CLIC4: variants seen among roughly 807,000 people sequenced by gnomAD.
CLIC4 encodes the protein CLIC family member 4, also known as chloride intracellular channel protein 4.
In CLIC4, 13 loss-of-function variants were observed where a neutral mutation model predicts 24.6. The observed-to-expected ratio is 0.53, with a 90% CI of 0.34 to 0.84. The LOEUF (loss-of-function observed/expected upper bound fraction) is 0.84. Ranked by LOEUF, CLIC4 falls within the 40% of genes least tolerant of loss-of-function variation. CLIC4 has a pLI of 0.01. For synonymous variants in CLIC4, 104 were observed against 111.3 expected (o/e 0.93, Z 0.41); for missense variants, 227 against 301.7 (o/e 0.75, Z 1.83).
chr1:24,813,377 T>C (rs1030928435), intron 2 of CLIC4, among the ~76,000 whole-genome samples: 3 of 151,636 alleles, frequency 2.0e-5, no homozygotes, highest in Admixed American at 2.0e-4. Context: ...TTATATACTT[T>C]AAATTTTAGA....
chr1:24,824,371 A>G (rs956829036), intron 3 of CLIC4, among the ~76,000 whole-genome samples: 3 of 152,140 alleles, frequency 2.0e-5, no homozygotes, highest in Non-Finnish European at 4.4e-5. Flanking sequence ...GGTCTCAAGC[A>G]ATTCTCCTGC....
chr1:24,808,353 A>T (rs908594725), intron 2 of CLIC4, among the ~76,000 whole-genome samples: 14 of 152,230 alleles, frequency 9.2e-5, no homozygotes, highest in African/African-American at 3.1e-4. Flanking sequence ...GTATTTGCAT[A>T]TTAACCTACA....
intron 4 of CLIC4, among the ~76,000 whole-genome samples, chr1:24,836,643 A>C (rs927193871): frequency 6.6e-6 from 1 of 152,140 alleles, no homozygotes; most frequent in Non-Finnish European, 1.5e-5. Flanking sequence ...TTCAAGACCA[A>C]CTTTGGCAAC....
rs772538646 is a variant in CLIC4 at position 24,814,154 on chromosome 1, C to T, written c.243C>T (p.Asn81=). The T allele has an allele frequency of 1.2e-6, 2 of 1,614,106 alleles. No individual in the cohort carries two copies. The highest frequency in any genetic ancestry group is 1.7e-6 in the Non-Finnish European group (2 of 1,179,988). Residue 81 remains asparagine, a synonymous_variant, in exon 3 of 6, where the codon AAC becomes AAT. Transcript: ENST00000374379. The part of the protein sequence containing the change: ...PGTHPPFITF[N]SEVKTDVNKI... The stretch of plus-strand genomic sequence containing the variant: ...CCCACCCACCATTTATAACTTTCAA[C>T]AGTGAAGTCAAAACGGATGTAAATA...
At chr1:24,831,039 T>C (rs1199580433) in intron 4 of CLIC4, among the ~76,000 whole-genome samples, 1 of 152,238 alleles carries the variant, frequency 6.6e-6, no homozygotes, top group Non-Finnish European at 1.5e-5. Flanking sequence ...ATACATATAA[T>C]TGTATCAAAC....
At chr1:24,765,319 C>T (rs1380274686) in intron 1 of CLIC4, among the ~76,000 whole-genome samples, 1 of 152,112 alleles carries the variant, frequency 6.6e-6, no homozygotes, top group Non-Finnish European at 1.5e-5. Context: ...AAAATGTTTG[C>T]TGAAGGAATA....
At chr1:24,819,809 G>C (rs1314349469) in intron 3 of CLIC4, among the ~76,000 whole-genome samples, 1 of 148,926 alleles carries the variant, frequency 6.7e-6, no homozygotes, top group Non-Finnish European at 1.5e-5. Context: ...GCACAATCTC[G>C]ACTCACTGCA....
chr1:24,784,289 A>G (rs1352539402), intron 1 of CLIC4, among the ~76,000 whole-genome samples: 2 of 152,126 alleles, frequency 1.3e-5, no homozygotes. Flanking sequence ...AGTTCTCCCA[A>G]CTATCCAATG....
chr1:24,798,086 G>A (rs1639424799), intron 2 of CLIC4: 1 of 370,180 alleles, frequency 2.7e-6, no homozygotes, highest in Non-Finnish European at 4.9e-6. Flanking sequence ...AATTTCATGA[G>A]TAGCACTAGG....
At chr1:24,828,962 T>C (rs961332904) in intron 4 of CLIC4, among the ~76,000 whole-genome samples, 2 of 152,190 alleles carry the variant, frequency 1.3e-5, no homozygotes, top group Non-Finnish European at 2.9e-5. Flanking sequence ...CATGACACTT[T>C]AGAAAACAAT....
At chr1:24,750,928 G>T (rs1297583765) in intron 1 of CLIC4, among the ~76,000 whole-genome samples, 1 of 151,846 alleles carries the variant, frequency 6.6e-6, no homozygotes, top group Admixed American at 6.6e-5. Flanking sequence ...AATTCCTTGA[G>T]GATAGGGTGT....
chr1:24,823,224 A>G (rs1639752430), intron 3 of CLIC4, among the ~76,000 whole-genome samples: 2 of 152,212 alleles, frequency 1.3e-5, no homozygotes, highest in African/African-American at 4.8e-5. Context: ...CTCAAATCAG[A>G]TAACTTTTAC....
chr1:24,772,327 C>T (rs946970215), intron 1 of CLIC4, among the ~76,000 whole-genome samples: 1 of 151,448 alleles, frequency 6.6e-6, no homozygotes. Context: ...CATTGAAATC[C>T]GAAGTAAAAT....
At chr1:24,824,996 T>TCAAA (rs1553194277) in intron 3 of CLIC4, among the ~76,000 whole-genome samples, 1 of 133,866 alleles carries the variant, frequency 7.5e-6, no homozygotes, top group Admixed American at 7.5e-5. Context: ...GGAGACCCTG[T>TCAAA]CACACACACA....
chr1:24,798,629 C>T (rs552123087), intron 2 of CLIC4, among the ~76,000 whole-genome samples: 2 of 152,146 alleles, frequency 1.3e-5, no homozygotes, highest in Non-Finnish European at 2.9e-5. Context: ...TTGTATTGCT[C>T]TTCCTCTCCC....
At chr1:24,781,758 C>T (rs1639208530) in intron 1 of CLIC4, among the ~76,000 whole-genome samples, 1 of 151,434 alleles carries the variant, frequency 6.6e-6, no homozygotes, top group South Asian at 2.1e-4. Flanking sequence ...TTAAGGGAAT[C>T]TCCTGCCTCA....
chr1:24,807,340 C>T lies in CLIC4; in HGVS notation c.183-6754C>T, dbSNP rs1229194206. 2.0e-5 allele frequency among the ~76,000 whole-genome samples: 3 copies of T among 151,162 alleles called. No homozygotes were observed. In the East Asian group the frequency reaches 5.8e-4, roughly 29 times the overall value. On this transcript the variant is annotated intron_variant, in intron 2 of 5. Coordinates refer to ENST00000374379, the MANE Select transcript of CLIC4 (RefSeq NM_013943.3). ...ATTTTTGGTGCTGCAAAAGAAATAA[C>T]ACTTGAATATAAAATTTTCTTTTTA... is the stretch of plus-strand genomic sequence containing the variant.
intron 1 of CLIC4, among the ~76,000 whole-genome samples, chr1:24,746,860 A>G (rs58633719): frequency 0.031 from 4,764 of 152,170 alleles, 280 homozygotes; most frequent in African/African-American, 0.11. Context: ...GCTGGGAGCG[A>G]TGTTACGCGC....
At chr1:24,820,067 G>GTATATATATATATATATATA (rs751126014) in intron 3 of CLIC4, among the ~76,000 whole-genome samples, 11 of 36,474 alleles carry the variant, frequency 3.0e-4, no homozygotes, top group African/African-American at 6.2e-4. Context: ...AAAAAAGTAT[G>GTATATATATATATATATATA]TATATATATA....
Sources: gnomAD v4.1 joint callset for allele counts (sites outside exome capture counted in the v4.1 genomes callset) on GRCh38, gnomAD v4.1.1 for gene constraint, MANE v1.5 for transcripts, NCBI Gene and HGNC (gene_info 2026-07-23, HGNC 2026-07-21) for gene names.